Variants in ATRN observed in about 807,000 individuals in gnomAD.
The protein encoded by ATRN is attractin.
A neutral mutation model predicts 178.7 loss-of-function variants in ATRN; 54 were observed. The ratio of observed to expected loss-of-function variants is 0.30; its 90% confidence interval spans 0.24 to 0.38. The LOEUF is 0.38. Ranked by LOEUF, ATRN falls within the 10% of genes least tolerant of loss-of-function variation. The probability of loss-of-function intolerance (pLI) is 1.00; values close to 1 mark genes in which losing one functional copy is unlikely to be tolerated. For missense variants in ATRN, 1,443 were observed against 1,815.1 expected (o/e 0.79, Z 3.73); for synonymous variants, 636 against 663.0 (o/e 0.96, Z 0.63).
chr20:3,640,278 G>A (rs235556), intron 27 of ATRN, among the ~76,000 whole-genome samples: 22,569 of 152,078 alleles, frequency 0.15, 1,799 homozygotes, highest in Non-Finnish European at 0.18. Flanking sequence ...GAGAATTTAC[G>A]AAGTGGAAGA....
intron 24 of ATRN, among the ~76,000 whole-genome samples, chr20:3,609,770 C>A (rs893613737): frequency 7.4e-5 from 11 of 148,206 alleles, no homozygotes; most frequent in Non-Finnish European, 1.6e-4. Flanking sequence ...AAATGTTATT[C>A]AGCATTAAAA....
At chr20:3,548,939 C>CA (rs986867766) in intron 5 of ATRN, among the ~76,000 whole-genome samples, 13 of 151,950 alleles carry the variant, frequency 8.6e-5, no homozygotes, top group African/African-American at 2.7e-4. Flanking sequence ...ATTTCATTAC[C>CA]AAAAAAACCC....
intron 16 of ATRN, 105 bp downstream of exon 16, chr20:3,582,459 G>A: frequency 1.9e-6 from 2 of 1,028,996 alleles, no homozygotes; most frequent in Non-Finnish European, 3.0e-6. Flanking sequence ...GAAAACAGAT[G>A]AAGTATTGAT....
Position 3,535,122 on chromosome 20 carries a change from G to A in ATRN, c.411-131G>A, listed in dbSNP as rs1442911663. The A allele has an allele frequency of 6.5e-5, 18 of 276,994 alleles. No homozygotes were observed. In the South Asian group the frequency reaches 8.1e-4, roughly 12 times the overall value. The allele number at this position is 276,994 out of a possible 1,614,324, so 17.2% of individuals were successfully genotyped here. On this transcript the variant is annotated intron_variant, in intron 1 of 28. Transcript: ENST00000262919. ...TCTACTGGTTATAGTGTTTGTTAAT[G>A]TACCCATTATGTTTAATTTGTATTA...
At chr20:3,608,462 CT>C (rs1387792524) in intron 24 of ATRN, among the ~76,000 whole-genome samples, 3 of 152,154 alleles carry the variant, frequency 2.0e-5, no homozygotes, top group South Asian at 4.1e-4. Flanking sequence ...ATTGAAGAAC[CT>C]GTCCTTTCCC....
intron 6 of ATRN, among the ~76,000 whole-genome samples, chr20:3,555,954 C>T (rs2085870920): frequency 6.6e-6 from 1 of 152,150 alleles, no homozygotes; most frequent in Non-Finnish European, 1.5e-5. Context: ...CCAACTGCTT[C>T]GTGCTGCAGA....
In ATRN at chr20:3,620,810, A is replaced by G. The variant is rs371010761; in HGVS notation, c.3802-3701A>G. ...AAAAGTTAGGAATTGGTGTCTTCATAGACAGAAGAATGCAGGAATCCTCTT... is the reference window on the plus strand; with the variant it reads ...AAAAGTTAGGAATTGGTGTCTTCATGGACAGAAGAATGCAGGAATCCTCTT... On this transcript the variant is annotated intron_variant, in intron 24 of 28. Transcript: ENST00000262919. 3.2e-4 allele frequency among the ~76,000 whole-genome samples: 48 copies of G among 152,194 alleles called. 1 individual carries two copies. Among genetic ancestry groups the G allele is most frequent in the Admixed American group, 7.9e-4 (12 of 15,280 alleles).
chr20:3,621,001 T>G (rs948718603), intron 24 of ATRN, among the ~76,000 whole-genome samples: 3 of 152,158 alleles, frequency 2.0e-5, no homozygotes, highest in African/African-American at 7.2e-5. Flanking sequence ...TTTAAGCTCA[T>G]CAGCACTATC....
chr20:3,569,211 T>G (rs2086081102), intron 11 of ATRN, among the ~76,000 whole-genome samples: 1 of 152,230 alleles, frequency 6.6e-6, no homozygotes, highest in Admixed American at 6.5e-5. Flanking sequence ...GGATACATTC[T>G]GAGAAGTGCA....
In ATRN at chr20:3,572,852, C is replaced by T. The variant is rs748307870; in HGVS notation, c.1993C>T (p.Arg665Trp). 9 of 1,613,012 alleles carry T rather than the reference C, an allele frequency of 5.6e-6. No individual in the cohort carries two copies. The highest frequency in any genetic ancestry group is 1.3e-5 in the African/African-American group (1 of 74,558). ...AACLAAGPGI[R>W]CVWNTGSSQC... is the part of the protein sequence containing the mutation. ...TTGTTTAGCAGCAGGACCTGGTATT[C>T]GGTGTGTGTGGAACACAGGGTCGTC... The change falls in exon 12 of 29, where the codon CGG becomes TGG. Residue 665 changes from arginine (R) to tryptophan (W), a missense_variant. Around this residue, in one of 4 missense-constraint regions of ATRN, gnomAD observed 862 missense variants for 972.1 expected, o/e 0.89. Coordinates refer to ENST00000262919, the MANE Select transcript of ATRN (RefSeq NM_139321.3).
chr20:3,519,356 A>T (rs2085256165), intron 1 of ATRN, among the ~76,000 whole-genome samples: 1 of 152,198 alleles, frequency 6.6e-6, no homozygotes, highest in African/African-American at 2.4e-5. Flanking sequence ...CAAATTTTAA[A>T]TTAAAAATCT....
At chr20:3,546,666 C>T (rs2085707517) in intron 4 of ATRN, among the ~76,000 whole-genome samples, 1 of 152,134 alleles carries the variant, frequency 6.6e-6, no homozygotes, top group Non-Finnish European at 1.5e-5. Flanking sequence ...GTTGAGATTA[C>T]AGCCGTGAGC....
chr20:3,616,999 T>G (rs235527), intron 24 of ATRN, among the ~76,000 whole-genome samples: 1 of 152,046 alleles, frequency 6.6e-6, no homozygotes, highest in Non-Finnish European at 1.5e-5. Context: ...CAGTTGGAGA[T>G]ACTCCCTAAA....
At chr20:3,527,657 A>C (rs1370466227) in intron 1 of ATRN, among the ~76,000 whole-genome samples, 1 of 152,178 alleles carries the variant, frequency 6.6e-6, no homozygotes, top group Non-Finnish European at 1.5e-5. Context: ...AATAGCAAAG[A>C]CTTGGAACCA....
intron 6 of ATRN, among the ~76,000 whole-genome samples, chr20:3,551,725 T>C (rs951707170): frequency 6.6e-6 from 1 of 152,214 alleles, no homozygotes; most frequent in Admixed American, 6.5e-5. Context: ...CCTTTCCTTC[T>C]GTTTTCATTC....
chr20:3,601,888 A>G (rs2086615309), intron 23 of ATRN, among the ~76,000 whole-genome samples: 1 of 150,250 alleles, frequency 6.7e-6, no homozygotes, highest in African/African-American at 2.4e-5. Context: ...AAAAAAAAAG[A>G]AAAAAGGATA....
rs531937826 is a variant in ATRN at position 3,491,625 on chromosome 20, T to C, written c.410+20108T>C. On this transcript the variant is annotated intron_variant, in intron 1 of 28. Transcript: ENST00000262919. Reference sequence around the variant, plus strand: ...TCTGGGGACTTTGAATACTGTAACATTGAACTTTTGATTTTTATTCCAAGC... The same window carrying C: ...TCTGGGGACTTTGAATACTGTAACACTGAACTTTTGATTTTTATTCCAAGC... 6.6e-5 allele frequency among the ~76,000 whole-genome samples: 10 copies of C among 152,340 alleles called. No individual in the cohort carries two copies. In the South Asian group the frequency reaches 1.0e-3, roughly 16 times the overall value.
At chr20:3,582,579 C>T (rs994586894) in intron 16 of ATRN, among the ~76,000 whole-genome samples, 16 of 152,098 alleles carry the variant, frequency 1.1e-4, no homozygotes, top group African/African-American at 3.1e-4. Flanking sequence ...TAACACTACT[C>T]GAAGAAACTG....
intron 15 of ATRN, among the ~76,000 whole-genome samples, chr20:3,579,079 G>T (rs1400727693): frequency 6.6e-6 from 1 of 152,180 alleles, no homozygotes; most frequent in African/African-American, 2.4e-5. Flanking sequence ...TCTGGATTCT[G>T]CTAGGGGAGA....
Sources: gnomAD v4.1 joint callset for allele counts (sites outside exome capture counted in the v4.1 genomes callset) on GRCh38, gnomAD v4.1.1 for gene constraint, gnomAD v4.1.1 regional missense constraint, MANE v1.5 for transcripts, NCBI Gene and HGNC (gene_info 2026-07-23, HGNC 2026-07-21) for gene names.